The following PPP1R1C variants were observed in gnomAD, a reference collection of about 807,000 sequenced individuals.
PPP1R1C encodes protein phosphatase 1 regulatory subunit 1C.
PPP1R1C carries 15 observed loss-of-function variants against 17.4 expected under a neutral mutation model. That is an observed-to-expected ratio of 0.86 (90% confidence interval 0.58 to 1.33). The LOEUF is 1.33. Among genes scored for constraint, PPP1R1C ranks in the 40% most tolerant of loss-of-function variants. The pLI is 0.00. For synonymous variants in PPP1R1C, 35 were observed against 43.1 expected, an observed-to-expected ratio of 0.81 and a Z score of 0.73; for missense variants, 143 against 130.0, an observed-to-expected ratio of 1.10 and a Z score of -0.48.
intron 4 of PPP1R1C, among the ~76,000 whole-genome samples, chr2:182,064,551 C>T (rs1687934990): frequency 6.6e-6 from 1 of 152,042 alleles, no homozygotes; most frequent in African/African-American, 2.4e-5. Flanking sequence ...TGAGCAGCTT[C>T]CTCTGGAGTT....
downstream of PPP1R1C, among the ~76,000 whole-genome samples, chr2:182,121,187 G>A (rs1166120096): frequency 6.6e-6 from 1 of 151,928 alleles, no homozygotes; most frequent in African/African-American, 2.4e-5. Flanking sequence ...GTTTGTAGCT[G>A]GACTTTGAGT....
At chr2:182,107,888 G>A (rs1254269155) in intron 4 of PPP1R1C, among the ~76,000 whole-genome samples, 1 of 151,718 alleles carries the variant, frequency 6.6e-6, no homozygotes, top group Non-Finnish European at 1.5e-5. Context: ...CTGCCTTTCT[G>A]CTTGCTATTG....
chr2:182,019,493 G>A (rs1686353946), intron 2 of PPP1R1C, among the ~76,000 whole-genome samples: 1 of 152,044 alleles, frequency 6.6e-6, no homozygotes, highest in African/African-American at 2.4e-5. Flanking sequence ...ATGATACAAT[G>A]GTACTATGCT....
intron 2 of PPP1R1C, among the ~76,000 whole-genome samples, chr2:182,011,970 T>C (rs1158874027): frequency 1.3e-5 from 2 of 152,060 alleles, no homozygotes; most frequent in South Asian, 4.1e-4. Flanking sequence ...TCCACTGTGG[T>C]CTGAGAAATA....
At chr2:182,073,172 T>TAAATCCTGCCA (rs1225200727) in intron 4 of PPP1R1C, among the ~76,000 whole-genome samples, 180 of 152,374 alleles carry the variant, frequency 1.2e-3, no homozygotes, top group Non-Finnish European at 1.8e-3. Flanking sequence ...TCCTTTTAGC[T>TAAATCCTGCCA]GTGCTTCTTT....
intron 4 of PPP1R1C, among the ~76,000 whole-genome samples, chr2:182,094,927 C>T (rs1259777093): frequency 6.6e-6 from 1 of 152,150 alleles, no homozygotes; most frequent in African/African-American, 2.4e-5. Flanking sequence ...AATGTATCCC[C>T]ATTGTAAGCC....
At chr2:182,066,968 T>G (rs5003052) in intron 4 of PPP1R1C, among the ~76,000 whole-genome samples, 35,027 of 144,566 alleles carry the variant, frequency 0.24, 4,438 homozygotes, top group Admixed American at 0.38. Flanking sequence ...GTGTGTGTGT[T>G]TGTGTGTGTG....
intron 2 of PPP1R1C, among the ~76,000 whole-genome samples, chr2:182,057,388 G>C (rs998199634): frequency 6.6e-6 from 1 of 152,114 alleles, no homozygotes; most frequent in Non-Finnish European, 1.5e-5. Context: ...TTTCCCAGAG[G>C]AAATGCTGTT....
rs139996666 is a variant in PPP1R1C, at chr2:182,012,570, A to G, written c.142+24671A>G. ...TTAAAAAAAACCTTTTAGCCACTCT[A>G]TGTCTTTTGACTGGAGAGTTTAGTC... On this transcript the variant is annotated intron_variant, in intron 2 of 4. Coordinates refer to ENST00000682840, the MANE Select transcript of PPP1R1C (RefSeq NM_001080545.3). Among the ~76,000 whole-genome samples the G allele has an allele frequency of 3.3e-3, 509 of 152,048 alleles. 2 individuals are homozygous for G. The highest frequency in any genetic ancestry group is 4.7e-3 in the Non-Finnish European group (322 of 67,860).
At chr2:182,044,254 C>T (rs753073306) in intron 2 of PPP1R1C, among the ~76,000 whole-genome samples, 1 of 152,162 alleles carries the variant, frequency 6.6e-6, no homozygotes, top group Non-Finnish European at 1.5e-5. Context: ...CTGCTTAAAA[C>T]CCTTCATTGG....
chr2:182,027,753 T>G, intron 2 of PPP1R1C, among the ~76,000 whole-genome samples: 1 of 151,390 alleles, frequency 6.6e-6, no homozygotes, highest in East Asian at 1.9e-4. Flanking sequence ...AGTCCCTCTT[T>G]TTCTATTCAT....
At chr2:182,008,088 T>TAA (rs748126131) in intron 2 of PPP1R1C, among the ~76,000 whole-genome samples, 78,012 of 128,270 alleles carry the variant, frequency 0.61, 20,486 homozygotes, top group Middle Eastern at 0.72. Flanking sequence ...AACAAATAAA[T>TAA]AAAAAAATAA....
chr2:182,058,056 G>T (rs764416441), intron 2 of PPP1R1C, among the ~76,000 whole-genome samples: 1 of 151,936 alleles, frequency 6.6e-6, no homozygotes, highest in Admixed American at 6.6e-5. Flanking sequence ...CTATTTAATT[G>T]TTACAATTAA....
intron 4 of PPP1R1C, among the ~76,000 whole-genome samples, chr2:182,065,548 G>A (rs13017711): frequency 0.64 from 97,123 of 151,942 alleles, 32,347 homozygotes; most frequent in Non-Finnish European, 0.74. Flanking sequence ...AATGGAACAT[G>A]CAGTTATTGA....
At chr2:182,088,370 A>T (rs534535090) in intron 4 of PPP1R1C, among the ~76,000 whole-genome samples, 2 of 152,306 alleles carry the variant, frequency 1.3e-5, no homozygotes, top group Admixed American at 1.3e-4. Context: ...ATGTTCTCGG[A>T]CCTCTTGCTG....
At chr2:182,003,569 G>A (rs1182658641) in intron 2 of PPP1R1C, among the ~76,000 whole-genome samples, 2 of 152,052 alleles carry the variant, frequency 1.3e-5, no homozygotes, top group Admixed American at 6.6e-5. Context: ...GTAGAGTACA[G>A]TTAGGTAGCA....
intron 4 of PPP1R1C, among the ~76,000 whole-genome samples, chr2:182,107,111 A>G (rs1477041282): frequency 1.3e-5 from 2 of 152,336 alleles, no homozygotes; most frequent in East Asian, 3.9e-4. Flanking sequence ...AATTCAATCT[A>G]TAACAGTGGG....
At chr2:182,092,922 G>C (rs1688823866) in intron 4 of PPP1R1C, among the ~76,000 whole-genome samples, 2 of 152,282 alleles carry the variant, frequency 1.3e-5, no homozygotes, top group Non-Finnish European at 2.9e-5. Context: ...AATGCAAGCT[G>C]TCAGTGGATC....
chr2:182,052,613 T>C (rs2674600), intron 2 of PPP1R1C, among the ~76,000 whole-genome samples: 6,515 of 152,268 alleles, frequency 0.043, 425 homozygotes, highest in Admixed American at 0.18. Context: ...TGCTTATGTA[T>C]CTCACATTAA....
Sources: gnomAD v4.1 joint callset for allele counts (sites outside exome capture counted in the v4.1 genomes callset) on GRCh38, gnomAD v4.1.1 for gene constraint, MANE v1.5 for transcripts, NCBI Gene and HGNC (gene_info 2026-07-23, HGNC 2026-07-21) for gene names.